Variants in GIMAP2 observed in about 807,000 individuals in gnomAD.
The protein encoded by GIMAP2 is GTPase IMAP family member 2.
A neutral mutation model predicts 25.5 loss-of-function variants in GIMAP2; 22 were observed. That is an observed-to-expected ratio of 0.86 (90% CI 0.62 to 1.23). The LOEUF (loss-of-function observed/expected upper bound fraction) is 1.23, where lower values mean the gene tolerates loss of function less well. Among genes scored for constraint, GIMAP2 ranks in the 50% most tolerant of loss-of-function variants. The pLI is 0.00. For missense variants in GIMAP2, 422 were observed against 395.7 expected (o/e 1.07, Z -0.56); for synonymous variants, 167 against 143.0 (o/e 1.17, Z -1.20).
intron 2 of GIMAP2, chr7:150,687,321 G>A (rs987860879): frequency 2.5e-5 from 10 of 407,568 alleles, no homozygotes; most frequent in African/African-American, 1.0e-4. Flanking sequence ...CACCCAGGCC[G>A]GAGTGCAGTG....
In GIMAP2 at chr7:150,693,320, T is replaced by G; in HGVS notation, c.*20T>G. On this transcript the variant is annotated 3_prime_UTR_variant, in exon 3 of 3. Coordinates refer to ENST00000223293, the MANE Select transcript of GIMAP2 (RefSeq NM_015660.3). ...TTATAGTTACAGATCCCAGTTATTA[T>G]TTACTCACTATCATTTAGTGGGTGA... is the stretch of plus-strand genomic sequence containing the variant. The G allele has an allele frequency of 6.8e-7, 1 of 1,478,384 alleles. No individual in the cohort carries two copies. Among genetic ancestry groups the G allele is most frequent in the Non-Finnish European group, 9.1e-7 (1 of 1,103,668 alleles). The allele number at this position is 1,478,384 out of a possible 1,614,324, so 91.6% of individuals were successfully genotyped here.
At chr7:150,692,192 T>G (rs1796972825) in intron 2 of GIMAP2, 123 bp from the exon 3 acceptor site, 1 of 928,012 alleles carries the variant, frequency 1.1e-6, no homozygotes, top group African/African-American at 1.7e-5. Context: ...GCCATTGCAC[T>G]CCAGCCTGGG....
chr7:150,686,122 C>T (rs1227975324), intron 1 of GIMAP2, among the ~76,000 whole-genome samples: 2 of 152,146 alleles, frequency 1.3e-5, no homozygotes, highest in African/African-American at 4.8e-5. Context: ...GAAAACGTAC[C>T]GATATTTCTC....
chr7:150,693,253 T>G lies in GIMAP2; in HGVS notation c.967T>G (p.Phe323Val), dbSNP rs1489680155. ...TATTATACCCAAAAAGTTAATGATA[T>G]TTTTGAGAACAGTTATTAGACTAGA... ...LFIIPKKLMI[F>V]LRTVIRLERK... Residue 323 changes from phenylalanine (F) to valine (V), a missense_variant, in exon 3 of 3, where the codon TTT becomes GTT. By Grantham distance (50) the Phe-to-Val change is conservative (BLOSUM62 -1). Transcript: ENST00000223293. The G allele has an allele frequency of 8.1e-6, 13 of 1,598,766 alleles. No individual in the cohort carries two copies. In the African/African-American group the frequency reaches 1.5e-4, roughly 18 times the overall value.
At position 150,692,871 on chromosome 7, in the gene GIMAP2, G is replaced by A. The variant is rs751426384; in HGVS notation, c.585G>A (p.Val195=). The A allele has an allele frequency of 6.2e-7, 1 of 1,614,214 alleles. No individual in the cohort carries two copies. Among genetic ancestry groups the A allele is most frequent in the East Asian group, 2.2e-5 (1 of 44,892 alleles). ...AAGGGAGCAATCAGGATGACCAAGT[G>A]AAGGAACTAATGGACTGTATTGAGG... The part of the protein sequence containing the change: ...RAEGSNQDDQ[V]KELMDCIEDL... Residue 195 remains valine (V), a synonymous_variant, in exon 3 of 3, where the codon GTG becomes GTA. Coordinates refer to ENST00000223293, the MANE Select transcript of GIMAP2 (RefSeq NM_015660.3).
chr7:150,687,949 C>A (rs1796922811), intron 2 of GIMAP2, among the ~76,000 whole-genome samples: 1 of 152,146 alleles, frequency 6.6e-6, no homozygotes. Flanking sequence ...GAGCCCAGAT[C>A]TTCCTCCTTA....
chr7:150,692,710 A>C lies in GIMAP2; in HGVS notation c.424A>C (p.Ile142Leu), dbSNP rs781429107. The C allele has an allele frequency of 1.2e-6, 2 of 1,614,158 alleles. No homozygotes were observed. Among genetic ancestry groups the C allele is most frequent in the Non-Finnish European group, 1.7e-6 (2 of 1,180,016 alleles). Residue 142 changes from isoleucine (I) to leucine (L), a missense_variant, in exon 3 of 3, where the codon ATT becomes CTT. Transcript: ENST00000223293. ...TGGAGAGGATGCCATGGGACACACA[A>C]TTGTCCTCTTTACCCACAAGGAAGA... The part of the protein sequence containing the change: ...IFGEDAMGHT[I>L]VLFTHKEDLN...
Position 150,692,855 on chromosome 7 carries a change from A to G in GIMAP2, c.569A>G (p.Asn190Ser). The G allele has an allele frequency of 6.2e-7, 1 of 1,614,220 alleles. No individual in the cohort carries two copies. The highest frequency in any genetic ancestry group is 8.5e-7 in the Non-Finnish European group (1 of 1,180,026). The change falls in exon 3 of 3, where the codon AAT becomes AGT. Residue 190 changes from asparagine to serine, a missense_variant. By Grantham distance (46) the Asn-to-Ser change is conservative (BLOSUM62 1). Transcript: ENST00000223293. ...CAFNNRAEGS[N>S]QDDQVKELMD... is the part of the protein sequence containing the mutation. ...TTTAATAACCGTGCTGAAGGGAGCAATCAGGATGACCAAGTGAAGGAACTA... is the reference window on the plus strand; with the variant it reads ...TTTAATAACCGTGCTGAAGGGAGCAGTCAGGATGACCAAGTGAAGGAACTA...
intron 1 of GIMAP2, 134 bp from the exon 2 acceptor site, chr7:150,686,918 T>C (rs1322716120): frequency 2.1e-5 from 13 of 612,242 alleles, no homozygotes; most frequent in African/African-American, 1.6e-4. Context: ...CACTCCAGCC[T>C]GGGTGACAGA....
Position 150,685,757 on chromosome 7 carries a change from GC to G in GIMAP2, c.-35del, listed in dbSNP as rs775095276. Reference sequence around the variant, plus strand: ...ATAAGACAACAGGACTGAACAGGGAGCCAACTGTTTCTTTGAACAGTAAATC... The same window carrying G: ...ATAAGACAACAGGACTGAACAGGGAGCAACTGTTTCTTTGAACAGTAAATC... On this transcript the variant is annotated 5_prime_UTR_variant, in exon 1 of 3. Transcript: ENST00000223293. 6 of 984,416 alleles carry G rather than the reference GC, an allele frequency of 6.1e-6. No homozygotes were observed. In the South Asian group the frequency reaches 2.8e-4, roughly 46 times the overall value. 61.0% of individuals were successfully genotyped at this position (984,416 alleles called of 1,614,324 possible).
At chr7:150,686,031 C>T (rs74874558) in intron 1 of GIMAP2, among the ~76,000 whole-genome samples, 3,133 of 152,220 alleles carry the variant, frequency 0.021, 99 homozygotes, top group African/African-American at 0.071. Context: ...AGAATTTGGG[C>T]ATTAATCGGT....
rs555342615 is a variant in GIMAP2, at chr7:150,693,281, G to T, written c.995G>T (p.Arg332Leu). The T allele has an allele frequency of 1.3e-6, 2 of 1,575,216 alleles. No homozygotes were observed. The highest frequency in any genetic ancestry group is 1.4e-5 in the African/African-American group (1 of 73,950). ...TTGAGAACAGTTATTAGACTAGAAC[G>T]CAAGACTCCTAGGTTATAGTTACAG... is the stretch of plus-strand genomic sequence containing the variant. ...IFLRTVIRLE[R>L]KTPRL Residue 332 changes from arginine (R) to leucine (L), a missense_variant, in exon 3 of 3, where the codon CGC (arginine) becomes CTC (leucine). Physicochemically the swap from Arg to Leu is moderately radical, Grantham distance 102 (BLOSUM62 -2). Transcript: ENST00000223293.
chr7:150,689,657 A>C, intron 2 of GIMAP2: 1 of 643,844 alleles, frequency 1.6e-6, no homozygotes, highest in East Asian at 2.8e-5. Flanking sequence ...CCATAATTTC[A>C]CTGGCCTACA....
chr7:150,688,965 A>G (rs1796935963), intron 2 of GIMAP2, among the ~76,000 whole-genome samples: 1 of 152,288 alleles, frequency 6.6e-6, no homozygotes. Flanking sequence ...CTTGCCATAC[A>G]AGGCAGGCCT....
chr7:150,686,094 C>A (rs1242572021), intron 1 of GIMAP2, among the ~76,000 whole-genome samples: 1 of 152,160 alleles, frequency 6.6e-6, no homozygotes, highest in Non-Finnish European at 1.5e-5. Context: ...CAGATTTAAG[C>A]AAGAGAAACT....
At chr7:150,691,576 C>T (rs1796965848) in intron 2 of GIMAP2, among the ~76,000 whole-genome samples, 1 of 152,132 alleles carries the variant, frequency 6.6e-6, no homozygotes, top group African/African-American at 2.4e-5. Flanking sequence ...TTTTGCTGGT[C>T]CAGCCACTTC....
Position 150,693,577 on chromosome 7 carries a change from T to C in GIMAP2, c.*277T>C, listed in dbSNP as rs541392710. On this transcript the variant is annotated 3_prime_UTR_variant, in exon 3 of 3. Coordinates refer to ENST00000223293, the MANE Select transcript of GIMAP2 (RefSeq NM_015660.3). Reference sequence around the variant, plus strand: ...TCCTAAAATCTCATTTTCTTCTTTCTAGTACTACTATTTCTACTGAATATA... The same window carrying C: ...TCCTAAAATCTCATTTTCTTCTTTCCAGTACTACTATTTCTACTGAATATA... 2 of 306,696 alleles carry C rather than the reference T, an allele frequency of 6.5e-6. No homozygotes were observed. Among genetic ancestry groups the C allele is most frequent in the African/African-American group, 4.4e-5 (2 of 45,824 alleles). The allele number at this position is 306,696 out of a possible 1,614,324, so 19.0% of individuals were successfully genotyped here.
At chr7:150,690,395 A>G (rs916206089) in intron 2 of GIMAP2, among the ~76,000 whole-genome samples, 4 of 152,196 alleles carry the variant, frequency 2.6e-5, no homozygotes, top group African/African-American at 9.7e-5. Context: ...AGTGAGGCCC[A>G]TGGCAGTCCT....
chr7:150,687,304 T>C, intron 2 of GIMAP2: 1 of 433,770 alleles, frequency 2.3e-6, no homozygotes, highest in Non-Finnish European at 4.2e-6. Context: ...ACAGTGTCTC[T>C]CTCTGTCACC....
Sources: gnomAD v4.1 joint callset for allele counts (sites outside exome capture counted in the v4.1 genomes callset) on GRCh38, gnomAD v4.1.1 for gene constraint, MANE v1.5 for transcripts, NCBI Gene and HGNC (gene_info 2026-07-23, HGNC 2026-07-21) for gene names.